The following CCNF variants were observed in gnomAD, a reference collection of about 807,000 sequenced individuals.
CCNF encodes cyclin F.
A neutral mutation model predicts 85.4 loss-of-function variants in CCNF; 30 were observed. The ratio of observed to expected loss-of-function variants is 0.35; its 90% confidence interval spans 0.26 to 0.48. The LOEUF (loss-of-function observed/expected upper bound fraction) is 0.48, where lower values mean the gene tolerates loss of function less well. Among genes scored for constraint, CCNF ranks in the 20% least tolerant of loss-of-function variants. The pLI, the probability that CCNF is intolerant of heterozygous loss-of-function variation, is 0.99. For synonymous variants in CCNF, 439 were observed against 425.1 expected, an observed-to-expected ratio of 1.03 and a Z score of -0.40; for missense variants, 919 against 1,010.4, an observed-to-expected ratio of 0.91 and a Z score of 1.23.
At position 2,437,225 on chromosome 16, in the gene CCNF, T is replaced by G; in HGVS notation, c.443T>G (p.Phe148Cys). 6.2e-7 allele frequency: 1 copy of G among 1,613,030 alleles called. No homozygotes were observed. The highest frequency in any genetic ancestry group is 1.1e-5 in the South Asian group (1 of 91,040). ...AERLNVGAAP[F>C]IWLFIRPPWS... ...CGGCTGAATGTGGGTGCCGCACCTT[T>G]CATCTGGCTCTTCATCCGCCCTCCG... The change falls in exon 5 of 17, where the codon TTC becomes TGC. Residue 148 changes from phenylalanine to cysteine, a missense_variant. Around this residue, in one of 3 missense-constraint regions of CCNF, gnomAD observed 410 missense variants for 478.6 expected, o/e 0.86. Transcript: ENST00000397066.
intron 10 of CCNF, among the ~76,000 whole-genome samples, chr16:2,447,664 T>A (rs1201379699): frequency 6.6e-6 from 1 of 151,838 alleles, no homozygotes; most frequent in African/African-American, 2.4e-5. Context: ...GGCATGAGAA[T>A]CACTTGAACC....
intron 3 of CCNF, among the ~76,000 whole-genome samples, chr16:2,435,183 G>A (rs896539265): frequency 1.3e-5 from 2 of 150,816 alleles, no homozygotes; most frequent in African/African-American, 2.4e-5. Context: ...CCTGGGAGGC[G>A]GAGCTTGTAG....
rs766966078 is a variant in CCNF at position 2,456,177 on chromosome 16, G to A, written c.1886-368G>A. ...ATGTTGTTTGAGGTGTGCCCACGTG[G>A]TATACGTGACACTCCTCACTGCCCT... On this transcript the variant is annotated intron_variant, in intron 16 of 16. Coordinates refer to ENST00000397066, the MANE Select transcript of CCNF (RefSeq NM_001761.3). This position sits in a 1 kb window ranked among gnomAD's most constrained non-coding sequence, Gnocchi z 4.5. The A allele has an allele frequency of 9.2e-6, 2 of 216,880 alleles. No homozygotes were observed. Among genetic ancestry groups the A allele is most frequent in the Non-Finnish European group, 1.8e-5 (2 of 109,414 alleles). 13.4% of individuals were successfully genotyped at this position (216,880 alleles called of 1,614,324 possible).
Position 2,453,959 on chromosome 16 carries a change from C to T in CCNF, c.1715+422C>T, listed in dbSNP as rs909963935. The stretch of plus-strand genomic sequence containing the variant: ...CGCCACCCGTGTGGACCTGTTTACC[C>T]GCCTCTCCTATCTCAGCACCTTGGC... On this transcript the variant is annotated intron_variant, in intron 15 of 16. Transcript: ENST00000397066. This position sits in a 1 kb window ranked among gnomAD's most constrained non-coding sequence, Gnocchi z 5.6. Among the ~76,000 whole-genome samples, 2 of 152,182 alleles carry T rather than the reference C, an allele frequency of 1.3e-5. No homozygotes were observed. Among genetic ancestry groups the T allele is most frequent in the Non-Finnish European group, 2.9e-5 (2 of 68,022 alleles).
In CCNF at chr16:2,455,408, A is replaced by G. The variant is rs757336351; in HGVS notation, c.1729A>G (p.Ser577Gly). The stretch of plus-strand genomic sequence containing the variant: ...TCCACCTTGCAGGAAGCGGGAGAAC[A>G]GCCTCCAGGAAGACAGAGGCAGCTT... ...GRRTKRKREN[S>G]LQEDRGSFVT... Residue 577 changes from serine (S) to glycine (G), a missense_variant, in exon 16 of 17, where the codon AGC becomes GGC. Ser to Gly is a moderately conservative substitution (Grantham distance 56, BLOSUM62 0). Transcript: ENST00000397066. 9 of 1,582,432 alleles carry G rather than the reference A, an allele frequency of 5.7e-6. No homozygotes were observed. The highest frequency in any genetic ancestry group is 6.9e-6 in the Non-Finnish European group (8 of 1,155,316).
chr16:2,450,023 A>T lies in CCNF; in HGVS notation c.1487+108A>T, dbSNP rs1043559835. On this transcript the variant is annotated intron_variant, in intron 13 of 16. Transcript: ENST00000397066. The stretch of plus-strand genomic sequence containing the variant: ...GGAGTTTGAGACCAGCCTGGCCAAC[A>T]TGGTGAAACCCCACCTCTACTAAAA... 4 of 776,074 alleles carry T rather than the reference A, an allele frequency of 5.2e-6. No individual in the cohort carries two copies. In the Admixed American group the frequency reaches 7.0e-5, roughly 14 times the overall value. The allele number at this position is 776,074 out of a possible 1,614,324, so 48.1% of individuals were successfully genotyped here.
chr16:2,437,725 C>T (rs1021910722), intron 5 of CCNF: 2 of 319,282 alleles, frequency 6.3e-6, no homozygotes, highest in Middle Eastern at 9.7e-4. Context: ...CTCGAAACCT[C>T]GTCTCTACAA....
At chr16:2,450,625 G>A (rs1037824771) in intron 13 of CCNF, among the ~76,000 whole-genome samples, 2 of 152,162 alleles carry the variant, frequency 1.3e-5, no homozygotes, top group African/African-American at 4.8e-5. Context: ...GAAAAAATGA[G>A]GGCATCTCCC....
In CCNF at chr16:2,455,308, C is replaced by T. The variant is rs1418857090; in HGVS notation, c.1716-87C>T. ...GAGCACGTGGTGACAGGCTGGGGCA[C>T]GCGGGTGTTAGAGGCAGGTGTGGAG... On this transcript the variant is annotated intron_variant, in intron 15 of 16. Transcript: ENST00000397066. 2.3e-5 allele frequency: 34 copies of T among 1,447,380 alleles called. No homozygotes were observed. The South Asian group carries it at 3.5e-4, about 15-fold the overall frequency. The allele number at this position is 1,447,380 out of a possible 1,614,324, so 89.7% of individuals were successfully genotyped here.
rs907516257 is a variant in CCNF, at chr16:2,443,121, A to G, written c.778-528A>G. On this transcript the variant is annotated intron_variant, in intron 8 of 16. Transcript: ENST00000397066. The stretch of plus-strand genomic sequence containing the variant: ...TATTTTTATATATAATATATTACAT[A>G]TTATATATTATATGTTTTATATTGT... Among the ~76,000 whole-genome samples the G allele has an allele frequency of 1.7e-3, 220 of 133,094 alleles. 1 individual carries two copies. Among genetic ancestry groups the G allele is most frequent in the Non-Finnish European group, 2.7e-3 (174 of 64,874 alleles). The allele number at this position is 133,094 out of a possible 152,430, so 87.3% of individuals were successfully genotyped here.
chr16:2,449,569 T>C, intron 12 of CCNF, 107 bp downstream of exon 12: 4 of 1,171,350 alleles, frequency 3.4e-6, no homozygotes, highest in Non-Finnish European at 3.6e-6. Flanking sequence ...TGGTTACTTC[T>C]TGGGGGGTGA....
In CCNF at chr16:2,438,116, T is replaced by G; in HGVS notation, c.587T>G (p.Leu196Arg). Residue 196 changes from leucine to arginine, a missense_variant, in exon 6 of 17, where the codon CTG becomes CGG. Leu to Arg is a moderately radical substitution (Grantham distance 102). Around this residue, in one of 3 missense-constraint regions of CCNF, gnomAD observed 410 missense variants for 478.6 expected, o/e 0.86. Coordinates refer to ENST00000397066, the MANE Select transcript of CCNF (RefSeq NM_001761.3). ...CACTGCTTGGGCAGAGTGCTGAGTC[T>G]GTTCGAGGTGAGTCAAGTTGTTCTC... ...ILHCLGRVLSLFEDEEKQQQA... is the reference protein window; with the variant it reads ...ILHCLGRVLSRFEDEEKQQQA... 1 of 1,607,794 alleles carries G rather than the reference T, an allele frequency of 6.2e-7. No homozygotes were observed. The highest frequency in any genetic ancestry group is 8.5e-7 in the Non-Finnish European group (1 of 1,174,228).
At chr16:2,436,537 T>G (rs2065292092) in intron 4 of CCNF, 1 of 152,204 alleles carries the variant, frequency 6.6e-6, no homozygotes, top group Non-Finnish European at 1.5e-5. Flanking sequence ...AGTCCCTACC[T>G]GGCCGGCTGG....
At position 2,453,910 on chromosome 16, in the gene CCNF, G is replaced by A. The variant is rs2065409790; in HGVS notation, c.1715+373G>A. On this transcript the variant is annotated intron_variant, in intron 15 of 16. Coordinates refer to ENST00000397066, the MANE Select transcript of CCNF (RefSeq NM_001761.3). The surrounding 1 kb of genome is among the most constrained non-coding windows in gnomAD (Gnocchi z 5.6). ...ACTCCCGGCACTCGAGCTGTGACCT[G>A]AGTCACATCCCCAGCACTTCCCTCG... Among the ~76,000 whole-genome samples, 1 of 152,146 alleles carries A rather than the reference G, an allele frequency of 6.6e-6. No individual in the cohort carries two copies. The highest frequency in any genetic ancestry group is 1.5e-5 in the Non-Finnish European group (1 of 68,018).
rs189295282 is a variant in CCNF, at chr16:2,449,244, C to T, written c.1219-38C>T. 339 of 1,609,326 alleles carry T rather than the reference C, an allele frequency of 2.1e-4. No individual in the cohort carries two copies. The African/African-American group carries it at 3.1e-3, about 15-fold the overall frequency. On this transcript the variant is annotated intron_variant, in intron 11 of 16. Transcript: ENST00000397066. Reference sequence around the variant, plus strand: ...ATGCGGCACTGCACCAAGGAGCCCCCGAGCGCTGAGAGCCCACACCCCGTC... The same window carrying T: ...ATGCGGCACTGCACCAAGGAGCCCCTGAGCGCTGAGAGCCCACACCCCGTC...
chr16:2,439,698 G>A (rs768732648), intron 7 of CCNF, 51 bp from the exon 8 acceptor site: 108 of 1,496,512 alleles, frequency 7.2e-5, no homozygotes, highest in Non-Finnish European at 9.5e-5. Context: ...TTGGTTCTGA[G>A]TTCCTCCCAA....
rs1308999043 is a variant in CCNF, at chr16:2,453,438, C to T, written c.1616C>T (p.Ala539Val). Residue 539 changes from alanine to valine, a missense_variant, in exon 15 of 17, where the codon GCA becomes GTA. Around this residue, in one of 3 missense-constraint regions of CCNF, gnomAD observed 505 missense variants for 514.8 expected, o/e 0.98. Coordinates refer to ENST00000397066, the MANE Select transcript of CCNF (RefSeq NM_001761.3). This position sits in a 1 kb window ranked among gnomAD's most constrained non-coding sequence, Gnocchi z 5.6. The part of the protein sequence containing the change: ...EVLSYSQLCA[A>V]LGVTQDSPDP... ...CTGAGCTACAGCCAGTTGTGTGCTGCATTAGGAGTGACACAAGACAGCCCC... is the reference window on the plus strand; with the variant it reads ...CTGAGCTACAGCCAGTTGTGTGCTGTATTAGGAGTGACACAAGACAGCCCC... 6.2e-7 allele frequency: 1 copy of T among 1,614,042 alleles called. No individual in the cohort carries two copies. Among genetic ancestry groups the T allele is most frequent in the East Asian group, 2.2e-5 (1 of 44,886 alleles).
Position 2,439,781 on chromosome 16 carries a change from C to G in CCNF, c.732C>G (p.Phe244Leu), listed in dbSNP as rs1373287282. The change falls in exon 8 of 17, where the codon TTC becomes TTG. Residue 244 changes from phenylalanine (F) to leucine (L), a missense_variant. Phe to Leu is a conservative substitution (Grantham distance 22, BLOSUM62 0). Transcript: ENST00000397066. ...ATCCTGGGCGATGCCTCCACAGCTTCCGAAAACTCAGGGACTACGCTGCCA... is the reference window on the plus strand; with the variant it reads ...ATCCTGGGCGATGCCTCCACAGCTTGCGAAAACTCAGGGACTACGCTGCCA... ...VSDPGRCLHS[F>L]RKLRDYAAKG... is the part of the protein sequence containing the mutation. 6.2e-7 allele frequency: 1 copy of G among 1,614,198 alleles called. No homozygotes were observed. The highest frequency in any genetic ancestry group is 1.1e-5 in the South Asian group (1 of 91,084).
At chr16:2,441,981 A>ATATATATGTTTT (rs1322601122) in intron 8 of CCNF, among the ~76,000 whole-genome samples, 1 of 98,752 alleles carries the variant, frequency 1.0e-5, no homozygotes, top group Non-Finnish European at 2.1e-5. Context: ...ATATATATAT[A>ATATATATGTTTT]TGTTTTTGTT....
Sources: allele counts gnomAD v4.1 joint callset (sites outside exome capture counted in the v4.1 genomes callset), GRCh38; gene constraint gnomAD v4.1.1; regional missense constraint gnomAD v4.1.1; non-coding constraint Gnocchi (gnomAD v3.1); transcripts MANE v1.5; gene names NCBI Gene and HGNC (gene_info 2026-07-23, HGNC 2026-07-21).